BAZ2B: variants seen among roughly 807,000 people sequenced by gnomAD.
BAZ2B encodes the protein bromodomain adjacent to zinc finger domain protein 2B.
A neutral mutation model predicts 246.0 loss-of-function variants in BAZ2B; 91 were observed. That is an observed-to-expected ratio of 0.37 (90% confidence interval 0.31 to 0.44). BAZ2B has a LOEUF of 0.44. Among genes scored for constraint, BAZ2B ranks in the 20% least tolerant of loss-of-function variants. BAZ2B has a pLI of 1.00. For synonymous variants in BAZ2B, 855 were observed against 860.0 expected, an observed-to-expected ratio of 0.99 and a Z score of 0.10; for missense variants, 2,332 against 2,533.7, an observed-to-expected ratio of 0.92 and a Z score of 1.71.
intron 2 of BAZ2B, among the ~76,000 whole-genome samples, chr2:159,534,633 T>C (rs1260157326): frequency 6.6e-6 from 1 of 151,722 alleles, no homozygotes; most frequent in Non-Finnish European, 1.5e-5. Context: ...ATTTCTTCTT[T>C]TTTTTTTTTT....
chr2:159,369,584 G>C (rs1341974121), intron 27 of BAZ2B, among the ~76,000 whole-genome samples: 1 of 152,108 alleles, frequency 6.6e-6, no homozygotes, highest in East Asian at 1.9e-4. Context: ...CAGGTATTTT[G>C]AAGGAAAGTT....
intron 2 of BAZ2B, among the ~76,000 whole-genome samples, chr2:159,545,686 G>A (rs1187947077): frequency 6.6e-6 from 1 of 152,042 alleles, no homozygotes; most frequent in Non-Finnish European, 1.5e-5. Context: ...GAAACTGCAA[G>A]GATGAATAAA....
chr2:159,654,871 C>T, the BAZ2B span, among the ~76,000 whole-genome samples: 3 of 151,952 alleles, frequency 2.0e-5, no homozygotes, highest in Non-Finnish European at 2.9e-5. Flanking sequence ...GCAGGAGAAT[C>T]GCTTGAGCCT....
intron 27 of BAZ2B, 140 bp from the exon 28 acceptor site, chr2:159,350,497 T>C (rs763902794): frequency 2.5e-4 from 165 of 662,048 alleles, no homozygotes; most frequent in Non-Finnish European, 3.4e-4. Flanking sequence ...TATATTTTCC[T>C]TTTTTATAGA....
rs2064959512 is a variant in BAZ2B, at chr2:159,332,531, T to C, written c.5943+9A>G. 6.3e-7 allele frequency: 1 copy of C among 1,581,476 alleles called. No individual in the cohort carries two copies. Among genetic ancestry groups the C allele is most frequent in the Admixed American group, 1.9e-5 (1 of 51,350 alleles). On this transcript the variant is annotated intron_variant, in intron 34 of 36. Coordinates refer to ENST00000392783, the MANE Select transcript of BAZ2B (RefSeq NM_013450.4). ...TAAAATGAAAAGTTTAGTTTTAGAT[T>C]GGTCTTACCTTAGCAATGCAAGCTG...
intron 1 of BAZ2B, among the ~76,000 whole-genome samples, chr2:159,559,709 T>G (rs558763087): frequency 1.9e-4 from 29 of 152,270 alleles, no homozygotes; most frequent in Admixed American, 5.2e-4. Flanking sequence ...AAAATGACAC[T>G]AGAGGATAAA....
chr2:159,469,846 A>G (rs1052667864), intron 3 of BAZ2B, among the ~76,000 whole-genome samples: 1 of 152,198 alleles, frequency 6.6e-6, no homozygotes, highest in Non-Finnish European at 1.5e-5. Context: ...ATGTTTCACC[A>G]GTGAATTCTA....
At chr2:159,569,826 TA>T (rs920617911) in intron 1 of BAZ2B, among the ~76,000 whole-genome samples, 12 of 146,386 alleles carry the variant, frequency 8.2e-5, no homozygotes, top group South Asian at 2.2e-4. Flanking sequence ...GCCTGTCTCA[TA>T]AAAAAAAAAG....
At chr2:159,684,301 T>C in the BAZ2B span, among the ~76,000 whole-genome samples, 2 of 152,228 alleles carry the variant, frequency 1.3e-5, no homozygotes, top group South Asian at 2.1e-4. Flanking sequence ...TGTATGAACA[T>C]AAAATTTTCA....
At chr2:159,705,790 A>G in the BAZ2B span, among the ~76,000 whole-genome samples, 1 of 152,194 alleles carries the variant, frequency 6.6e-6, no homozygotes, top group Non-Finnish European at 1.5e-5. Flanking sequence ...CTGGAAACCT[A>G]GAACTTGTTA....
chr2:159,425,810 T>C (rs1452437459), intron 13 of BAZ2B, among the ~76,000 whole-genome samples: 1 of 152,220 alleles, frequency 6.6e-6, no homozygotes, highest in Non-Finnish European at 1.5e-5. Context: ...AACAAAATTA[T>C]ATAATCTTGG....
chr2:159,454,907 T>C (rs2075552936), intron 3 of BAZ2B, among the ~76,000 whole-genome samples: 1 of 152,200 alleles, frequency 6.6e-6, no homozygotes, highest in Non-Finnish European at 1.5e-5. Context: ...TGTTATATGA[T>C]AAAAACATGA....
the BAZ2B span, among the ~76,000 whole-genome samples, chr2:159,639,030 G>A: frequency 6.6e-6 from 1 of 152,078 alleles, no homozygotes; most frequent in Non-Finnish European, 1.5e-5. Context: ...ATACAACGGA[G>A]CTCCAATATG....
At chr2:159,673,428 C>T in the BAZ2B span, among the ~76,000 whole-genome samples, 57 of 152,232 alleles carry the variant, frequency 3.7e-4, no homozygotes, top group Non-Finnish European at 6.9e-4. Flanking sequence ...GCTATAATCT[C>T]TATAGGGAAG....
intron 2 of BAZ2B, among the ~76,000 whole-genome samples, chr2:159,519,806 G>A (rs2083930195): frequency 2.6e-5 from 1 of 38,930 alleles, no homozygotes; most frequent in African/African-American, 7.1e-5. Context: ...CCCAGTAGCT[G>A]AGACTGGCCA....
intron 27 of BAZ2B, among the ~76,000 whole-genome samples, chr2:159,359,386 C>T (rs1048676650): frequency 2.0e-5 from 3 of 152,160 alleles, no homozygotes; most frequent in African/African-American, 7.2e-5. Flanking sequence ...GACACACACA[C>T]CCTCCCAAGA....
intron 34 of BAZ2B, among the ~76,000 whole-genome samples, chr2:159,328,082 A>C (rs943925759): frequency 2.6e-5 from 4 of 151,884 alleles, no homozygotes; most frequent in Non-Finnish European, 2.9e-5. Context: ...AAAAAAAAAA[A>C]AAAAAAAAAG....
intron 2 of BAZ2B, among the ~76,000 whole-genome samples, chr2:159,498,584 A>C (rs994109774): frequency 2.6e-5 from 4 of 152,200 alleles, no homozygotes; most frequent in African/African-American, 9.6e-5. Context: ...TATAACCTTC[A>C]TTATACACAA....
intron 27 of BAZ2B, among the ~76,000 whole-genome samples, chr2:159,354,406 A>C (rs948305379): frequency 1.3e-4 from 20 of 152,116 alleles, no homozygotes; most frequent in African/African-American, 4.8e-4. Flanking sequence ...GGTAGAGTGC[A>C]GTGGCATAAT....
Sources: allele counts gnomAD v4.1 joint callset (sites outside exome capture counted in the v4.1 genomes callset), GRCh38; gene constraint gnomAD v4.1.1; transcripts MANE v1.5; gene names NCBI Gene and HGNC (gene_info 2026-07-23, HGNC 2026-07-21).